Variants in CAST observed in about 807,000 individuals in gnomAD.
CAST encodes calpastatin.
A neutral mutation model predicts 119.6 loss-of-function variants in CAST; 76 were observed. That is an observed-to-expected ratio of 0.64 (90% CI 0.53 to 0.77). CAST has a LOEUF of 0.77. CAST is among the 30% of genes least tolerant of loss of function. The pLI, the probability that CAST is intolerant of heterozygous loss-of-function variation, is 0.00. For synonymous variants in CAST, 319 were observed against 331.6 expected, an observed-to-expected ratio of 0.96 and a Z score of 0.41; for missense variants, 953 against 946.5, an observed-to-expected ratio of 1.01 and a Z score of -0.09.
the CAST span, among the ~76,000 whole-genome samples, chr5:96,276,120 G>A: frequency 1.3e-5 from 2 of 152,096 alleles, no homozygotes; most frequent in Non-Finnish European, 1.5e-5. Flanking sequence ...AGATCTTTGT[G>A]CTTTAACTCT....
chr5:96,321,368 C>T, the CAST span, among the ~76,000 whole-genome samples: 1 of 152,200 alleles, frequency 6.6e-6, no homozygotes, highest in Non-Finnish European at 1.5e-5. Flanking sequence ...AGAATGGCTT[C>T]TGGTTGATAA....
the CAST span, among the ~76,000 whole-genome samples, chr5:96,453,468 C>A: frequency 6.6e-6 from 1 of 152,086 alleles, no homozygotes; most frequent in Non-Finnish European, 1.5e-5. Flanking sequence ...AATTTCTTTA[C>A]GAAATCAAGA....
chr5:96,319,183 C>G, the CAST span, among the ~76,000 whole-genome samples: 2 of 152,136 alleles, frequency 1.3e-5, no homozygotes, highest in Non-Finnish European at 1.5e-5. Context: ...ACAACTAACT[C>G]TCATGTGAAC....
the CAST span, among the ~76,000 whole-genome samples, chr5:96,443,774 C>T: frequency 5.9e-5 from 9 of 152,194 alleles, no homozygotes; most frequent in African/African-American, 1.2e-4. Flanking sequence ...CAATTGCCTA[C>T]GCTCTATATC....
At chr5:95,970,514 G>T in the CAST span, among the ~76,000 whole-genome samples, 1 of 152,184 alleles carries the variant, frequency 6.6e-6, no homozygotes, top group African/African-American at 2.4e-5. Context: ...TGCTGAGTGT[G>T]CACTGAATAT....
intron 22 of CAST, among the ~76,000 whole-genome samples, chr5:96,755,944 A>T (rs1168891783): frequency 1.3e-5 from 2 of 152,136 alleles, no homozygotes; most frequent in Non-Finnish European, 2.9e-5. Flanking sequence ...TCTCTTCATG[A>T]TAGGTGATTG....
chr5:96,277,751 G>GT, the CAST span, among the ~76,000 whole-genome samples: 476 of 146,642 alleles, frequency 3.2e-3, 1 homozygote, highest in South Asian at 0.017. Flanking sequence ...ATTAAGTAAG[G>GT]TTTTTTTTTT....
At chr5:96,422,052 T>C in the CAST span, 1 of 741,598 alleles carries the variant, frequency 1.3e-6, no homozygotes, top group South Asian at 1.5e-5. Context: ...CCCTATGCCT[T>C]CCCATCCTGG....
At chr5:96,352,271 G>T in the CAST span, among the ~76,000 whole-genome samples, 1 of 152,132 alleles carries the variant, frequency 6.6e-6, no homozygotes, top group Non-Finnish European at 1.5e-5. Context: ...ATGGGAAAAC[G>T]TCTGGTGAGA....
the CAST span, among the ~76,000 whole-genome samples, chr5:96,234,197 A>G: frequency 2.6e-5 from 4 of 152,182 alleles, no homozygotes; most frequent in Admixed American, 6.5e-5. Flanking sequence ...GTCAAAGTTT[A>G]TGGAAGAAAG....
the CAST span, among the ~76,000 whole-genome samples, chr5:95,969,468 G>C: frequency 1.3e-5 from 2 of 152,166 alleles, no homozygotes; most frequent in Non-Finnish European, 2.9e-5. Context: ...GATCAGAGGA[G>C]GCTCTGTATC....
intron 1 of CAST, among the ~76,000 whole-genome samples, chr5:96,563,900 T>C (rs1382511830): frequency 1.3e-5 from 2 of 152,192 alleles, no homozygotes; most frequent in Non-Finnish European, 2.9e-5. Context: ...TGCCTTTTGC[T>C]TACCATTTTA....
chr5:96,109,978 G>C, the CAST span, among the ~76,000 whole-genome samples: 1 of 151,766 alleles, frequency 6.6e-6, no homozygotes, highest in African/African-American at 2.4e-5. Context: ...AGAAGAAATC[G>C]AGTGGAAATT....
the CAST span, among the ~76,000 whole-genome samples, chr5:96,193,962 A>G: frequency 6.6e-6 from 1 of 152,308 alleles, no homozygotes. Context: ...TTTTTTAGGA[A>G]GAAGGAGGAA....
At chr5:96,592,194 C>T (rs1486149920) in intron 1 of CAST, among the ~76,000 whole-genome samples, 1 of 151,700 alleles carries the variant, frequency 6.6e-6, no homozygotes, top group African/African-American at 2.4e-5. Flanking sequence ...ATCAGGGGTT[C>T]GAGACCAGCC....
the CAST span, among the ~76,000 whole-genome samples, chr5:96,498,853 T>G: frequency 6.6e-6 from 1 of 152,078 alleles, no homozygotes; most frequent in Non-Finnish European, 1.5e-5. Context: ...CAGTGACTGA[T>G]GGACATGGGG....
intron 1 of CAST, among the ~76,000 whole-genome samples, chr5:96,590,819 G>C (rs1746949976): frequency 1.3e-5 from 2 of 152,210 alleles, no homozygotes; most frequent in South Asian, 4.2e-4. Flanking sequence ...GCAGAGTTAA[G>C]CTCCTGCTTT....
At chr5:96,108,987 C>T in the CAST span, among the ~76,000 whole-genome samples, 3 of 152,226 alleles carry the variant, frequency 2.0e-5, no homozygotes, top group African/African-American at 7.2e-5. Flanking sequence ...ACCCGATTTT[C>T]CAGGTGCCGT....
chr5:96,239,870 C>T, the CAST span, among the ~76,000 whole-genome samples: 1 of 151,942 alleles, frequency 6.6e-6, no homozygotes, highest in African/African-American at 2.4e-5. Context: ...TGCCTTCATT[C>T]TAGATACGTG....
Sources: gnomAD v4.1 joint callset for allele counts (sites outside exome capture counted in the v4.1 genomes callset) on GRCh38, gnomAD v4.1.1 for gene constraint, MANE v1.5 for transcripts, NCBI Gene and HGNC (gene_info 2026-07-23, HGNC 2026-07-21) for gene names.